RABGAP1L: variants seen among roughly 807,000 people sequenced by gnomAD.
RABGAP1L encodes the protein rab GTPase-activating protein 1-like.
RABGAP1L carries 63 observed loss-of-function variants against 137.7 expected under a neutral mutation model. That is an observed-to-expected ratio of 0.46 (90% CI 0.37 to 0.56). The LOEUF is 0.56. Among genes scored for constraint, RABGAP1L ranks in the 20% least tolerant of loss-of-function variants. The pLI, the probability that RABGAP1L is intolerant of heterozygous loss-of-function variation, is 0.00. For synonymous variants in RABGAP1L, 431 were observed against 433.7 expected, an observed-to-expected ratio of 0.99 and a Z score of 0.08; for missense variants, 1,095 against 1,244.0, an observed-to-expected ratio of 0.88 and a Z score of 1.80.
intron 11 of RABGAP1L, among the ~76,000 whole-genome samples, chr1:174,337,885 A>C (rs1192353479): frequency 6.6e-6 from 1 of 152,194 alleles, no homozygotes; most frequent in Non-Finnish European, 1.5e-5. Context: ...TTCTGAGATG[A>C]CAAAAAGTTC....
intron 1 of RABGAP1L, among the ~76,000 whole-genome samples, chr1:174,167,596 A>G (rs926858663): frequency 5.3e-5 from 8 of 152,222 alleles, no homozygotes; most frequent in Non-Finnish European, 1.0e-4. Context: ...TTAAAAGGCA[A>G]GTATGGAATT....
chr1:174,756,672 G>T (rs1271620086), intron 18 of RABGAP1L, among the ~76,000 whole-genome samples: 1 of 152,142 alleles, frequency 6.6e-6, no homozygotes, highest in African/African-American at 2.4e-5. Flanking sequence ...AGGCATGCAA[G>T]AGTGAGAATC....
chr1:174,713,124 C>T (rs1680711269), intron 17 of RABGAP1L, among the ~76,000 whole-genome samples: 1 of 152,176 alleles, frequency 6.6e-6, no homozygotes. Flanking sequence ...ATCATTAAGA[C>T]ATACATTGAA....
At chr1:174,429,848 A>G (rs970391904) in intron 13 of RABGAP1L, among the ~76,000 whole-genome samples, 6 of 152,180 alleles carry the variant, frequency 3.9e-5, no homozygotes, top group African/African-American at 1.4e-4. Context: ...AGAGACATGC[A>G]TAGGGGTCTG....
At chr1:174,660,290 G>A (rs73026432) in intron 14 of RABGAP1L, among the ~76,000 whole-genome samples, 7 of 152,244 alleles carry the variant, frequency 4.6e-5, no homozygotes, top group African/African-American at 9.6e-5. Context: ...CCTAAACAAG[G>A]TAATAATAAG....
At chr1:174,751,181 A>G (rs1370435815) in intron 17 of RABGAP1L, among the ~76,000 whole-genome samples, 4 of 152,156 alleles carry the variant, frequency 2.6e-5, no homozygotes, top group Admixed American at 2.6e-4. Context: ...TTATATTTTA[A>G]CCAACTGAAT....
At chr1:174,520,276 T>C (rs1663248777) in intron 13 of RABGAP1L, among the ~76,000 whole-genome samples, 1 of 152,202 alleles carries the variant, frequency 6.6e-6, no homozygotes, top group African/African-American at 2.4e-5. Flanking sequence ...TGACTAGATA[T>C]TTATGAACTA....
intron 12 of RABGAP1L, among the ~76,000 whole-genome samples, chr1:174,372,578 T>C (rs777900693): frequency 2.0e-5 from 3 of 152,204 alleles, no homozygotes; most frequent in Non-Finnish European, 4.4e-5. Context: ...CATTTAATTC[T>C]CTCTAGTTAT....
chr1:174,661,853 C>T (rs2148421172), intron 14 of RABGAP1L, among the ~76,000 whole-genome samples: 1 of 152,110 alleles, frequency 6.6e-6, no homozygotes, highest in East Asian at 1.9e-4. Flanking sequence ...ACATTACTCA[C>T]CTATTTGTGT....
intron 11 of RABGAP1L, among the ~76,000 whole-genome samples, chr1:174,312,169 A>G (rs922838100): frequency 2.6e-5 from 4 of 152,184 alleles, no homozygotes; most frequent in Admixed American, 2.6e-4. Context: ...GGAACCTCCA[A>G]ACTGTTCTAT....
At chr1:174,894,866 C>T (rs1298759846) in intron 19 of RABGAP1L, among the ~76,000 whole-genome samples, 1 of 152,186 alleles carries the variant, frequency 6.6e-6, no homozygotes, top group Non-Finnish European at 1.5e-5. Flanking sequence ...AAGCCATTCT[C>T]CTGCCTCAGC....
chr1:174,595,666 C>T (rs1258265840), intron 13 of RABGAP1L, among the ~76,000 whole-genome samples: 3 of 148,912 alleles, frequency 2.0e-5, no homozygotes, highest in South Asian at 2.2e-4. Flanking sequence ...TTAGGCTGCT[C>T]GGGGGTCAGG....
chr1:174,607,244 A>G (rs906305274), intron 13 of RABGAP1L, among the ~76,000 whole-genome samples: 10 of 152,194 alleles, frequency 6.6e-5, no homozygotes, highest in Non-Finnish European at 1.0e-4. Context: ...CTTCAGTAAA[A>G]TAGAAACAAA....
At chr1:174,461,072 A>G (rs944088289) in intron 13 of RABGAP1L, among the ~76,000 whole-genome samples, 4 of 152,154 alleles carry the variant, frequency 2.6e-5, no homozygotes, top group South Asian at 2.1e-4. Context: ...TATTACTGCT[A>G]TCTTCAGCAT....
At chr1:174,725,430 TTTG>T (rs1229824848) in intron 17 of RABGAP1L, among the ~76,000 whole-genome samples, 1 of 152,212 alleles carries the variant, frequency 6.6e-6, no homozygotes, top group Non-Finnish European at 1.5e-5. Context: ...GTGAGGTTTA[TTTG>T]TTGTTGTTGT....
chr1:174,859,924 G>A (rs1393343789), intron 19 of RABGAP1L, among the ~76,000 whole-genome samples: 1 of 141,270 alleles, frequency 7.1e-6, no homozygotes, highest in Non-Finnish European at 1.5e-5. Flanking sequence ...TTAAACTTCA[G>A]TAGACTTGAC....
rs763967466 is a variant in RABGAP1L, at chr1:174,219,128, G to A, written c.-30G>A. 1 of 1,560,784 alleles carries A rather than the reference G, an allele frequency of 6.4e-7. No individual in the cohort carries two copies. The highest frequency in any genetic ancestry group is 1.2e-5 in the South Asian group (1 of 80,974). On this transcript the variant is annotated 5_prime_UTR_variant, in exon 2 of 26. Coordinates refer to ENST00000681986, the MANE Select transcript of RABGAP1L (RefSeq NM_001366446.1). ...TTAATCCCTTTTGTTTTTCCAGGTGGTTGTGGGAAGAGAAGTTTGCAGAAC... is the reference window on the plus strand; with the variant it reads ...TTAATCCCTTTTGTTTTTCCAGGTGATTGTGGGAAGAGAAGTTTGCAGAAC...
chr1:174,190,375 C>G (rs1467161186), intron 1 of RABGAP1L, among the ~76,000 whole-genome samples: 1 of 151,134 alleles, frequency 6.6e-6, no homozygotes, highest in East Asian at 1.9e-4. Context: ...CCTTGGGCTT[C>G]TCAGCATCCA....
chr1:174,183,142 A>G (rs1666513159), intron 1 of RABGAP1L, among the ~76,000 whole-genome samples: 1 of 152,192 alleles, frequency 6.6e-6, no homozygotes, highest in Admixed American at 6.5e-5. Flanking sequence ...TGAAAAGTTG[A>G]TGTACTTCAC....
Sources: gnomAD v4.1 joint callset for allele counts (sites outside exome capture counted in the v4.1 genomes callset) on GRCh38, gnomAD v4.1.1 for gene constraint, MANE v1.5 for transcripts, NCBI Gene and HGNC (gene_info 2026-07-23, HGNC 2026-07-21) for gene names.